IKZF3: variants seen among roughly 807,000 people sequenced by gnomAD.
The protein encoded by IKZF3 is zinc finger protein Aiolos.
A neutral mutation model predicts 49.0 loss-of-function variants in IKZF3; 10 were observed. The observed-to-expected ratio is 0.20, with a 90% CI of 0.13 to 0.35. The LOEUF (loss-of-function observed/expected upper bound fraction) is 0.35. IKZF3 is among the 10% of genes least tolerant of loss of function. The pLI is 1.00. For missense variants in IKZF3, 498 were observed against 664.8 expected, an observed-to-expected ratio of 0.75 and a Z score of 2.76; for synonymous variants, 209 against 228.2, an observed-to-expected ratio of 0.92 and a Z score of 0.76.
intron 6 of IKZF3, 117 bp from the exon 7 acceptor site, chr17:39,777,884 C>G (rs1227979473): frequency 6.9e-7 from 1 of 1,453,392 alleles, no homozygotes. Flanking sequence ...ATTGTTGTTA[C>G]CTGTTATAAC....
Position 39,759,682 on chromosome 17 carries a change from G to C in IKZF3, c.*6108C>G, listed in dbSNP as rs1200988025. 1 of 152,240 alleles carries C rather than the reference G, an allele frequency of 6.6e-6. No homozygotes were observed. The highest frequency in any genetic ancestry group is 1.5e-5 in the Non-Finnish European group (1 of 68,094). The allele number at this position is 152,240 out of a possible 1,614,324, so 9.4% of individuals were successfully genotyped here. On this transcript the variant is annotated 3_prime_UTR_variant, in exon 8 of 8. Coordinates refer to ENST00000346872, the MANE Select transcript of IKZF3 (RefSeq NM_012481.5). ...AACCATTCAGTCGTGCTGCCTTGGA[G>C]AACAGAGTCCTTTTCCTGAGGTGGC...
At position 39,758,223 on chromosome 17, in the gene IKZF3, AC is replaced by A. The variant is rs1340083315; in HGVS notation, c.*7566del. 1 of 152,178 alleles carries A rather than the reference AC, an allele frequency of 6.6e-6. No individual in the cohort carries two copies. Among genetic ancestry groups the A allele is most frequent in the Non-Finnish European group, 1.5e-5 (1 of 68,020 alleles). 9.4% of individuals were successfully genotyped at this position (152,178 alleles called of 1,614,324 possible). A position where few individuals can be genotyped will look rare whatever the true frequency, so the allele number is the denominator to read the frequency against. On this transcript the variant is annotated 3_prime_UTR_variant, in exon 8 of 8. Coordinates refer to ENST00000346872, the MANE Select transcript of IKZF3 (RefSeq NM_012481.5). Reference sequence around the variant, plus strand: ...CTGCACCAAAGCTCATAGACTGAGAACCTGAGCATGCAAAACCACAGTCTGG... The same window carrying A: ...CTGCACCAAAGCTCATAGACTGAGAACTGAGCATGCAAAACCACAGTCTGG...
intron 3 of IKZF3, among the ~76,000 whole-genome samples, chr17:39,823,859 C>A (rs1162327686): frequency 6.6e-6 from 1 of 152,234 alleles, no homozygotes; most frequent in Non-Finnish European, 1.5e-5. Context: ...AAGTTCGCTA[C>A]AGGGGTGGAG....
At chr17:39,823,487 C>T (rs1466449688) in intron 3 of IKZF3, among the ~76,000 whole-genome samples, 2 of 152,096 alleles carry the variant, frequency 1.3e-5, no homozygotes, top group Non-Finnish European at 2.9e-5. Context: ...TAATGAGGTG[C>T]CTAATGTTAA....
At chr17:39,798,942 A>G (rs890086267) in intron 3 of IKZF3, among the ~76,000 whole-genome samples, 6 of 152,132 alleles carry the variant, frequency 3.9e-5, no homozygotes, top group Non-Finnish European at 5.9e-5. Context: ...AGTCTCCCCA[A>G]TAAATATGTA....
chr17:39,796,312 T>G (rs1598033312), intron 3 of IKZF3, among the ~76,000 whole-genome samples: 1 of 152,318 alleles, frequency 6.6e-6, no homozygotes, highest in Middle Eastern at 3.4e-3. Context: ...TTGCTTCTAA[T>G]TTATGACTTA....
At chr17:39,793,080 A>G in intron 3 of IKZF3, 147 bp from the exon 4 acceptor site, 1 of 780,034 alleles carries the variant, frequency 1.3e-6, no homozygotes, top group Non-Finnish European at 2.0e-6. Flanking sequence ...AAGCACCATT[A>G]GCGTGACCGC....
intron 1 of IKZF3, among the ~76,000 whole-genome samples, chr17:39,859,104 C>T (rs2063146494): frequency 6.6e-6 from 1 of 151,328 alleles, no homozygotes; most frequent in African/African-American, 2.4e-5. Context: ...CCACTGTGCC[C>T]AGCCCTTAAA....
intron 1 of IKZF3, among the ~76,000 whole-genome samples, chr17:39,856,334 G>A (rs113466546): frequency 0.058 from 8,780 of 151,936 alleles, 398 homozygotes; most frequent in African/African-American, 0.12. Context: ...TGTCACCCAG[G>A]TTGGAGTGCA....
chr17:39,843,424 A>G (rs1203390102), intron 1 of IKZF3, among the ~76,000 whole-genome samples: 2 of 151,496 alleles, frequency 1.3e-5, no homozygotes, highest in Non-Finnish European at 1.5e-5. Flanking sequence ...TGCTGAAAAG[A>G]TTCTTAACGG....
At chr17:39,787,257 G>A (rs2060895089) in intron 6 of IKZF3, among the ~76,000 whole-genome samples, 1 of 152,236 alleles carries the variant, frequency 6.6e-6, no homozygotes, top group African/African-American at 2.4e-5. Flanking sequence ...ACACAAAAAA[G>A]TTTCAGGCTG....
chr17:39,758,378 T>G lies in IKZF3; in HGVS notation c.*7412A>C, dbSNP rs934121758. Reference sequence around the variant, plus strand: ...TCTGCTAGCCTGGAGTATACATGAGTCACTGGCGGTGGGATCAGTCATTTT... The same window carrying G: ...TCTGCTAGCCTGGAGTATACATGAGGCACTGGCGGTGGGATCAGTCATTTT... On this transcript the variant is annotated 3_prime_UTR_variant, in exon 8 of 8. Transcript: ENST00000346872. 2 of 152,118 alleles carry G rather than the reference T, an allele frequency of 1.3e-5. No homozygotes were observed. 9.4% of individuals were successfully genotyped at this position (152,118 alleles called of 1,614,324 possible).
intron 6 of IKZF3, among the ~76,000 whole-genome samples, chr17:39,782,445 C>G (rs2060767575): frequency 6.6e-6 from 1 of 151,976 alleles, no homozygotes; most frequent in African/African-American, 2.4e-5. Context: ...CACACATACA[C>G]AAAGAAATGC....
chr17:39,804,389 A>G (rs2061389759), intron 3 of IKZF3, among the ~76,000 whole-genome samples: 1 of 151,760 alleles, frequency 6.6e-6, no homozygotes, highest in African/African-American at 2.4e-5. Context: ...CAGAGGTTGC[A>G]GTGAGCCAAG....
At chr17:39,842,598 C>T (rs529591882) in intron 1 of IKZF3, among the ~76,000 whole-genome samples, 121 of 152,170 alleles carry the variant, frequency 8.0e-4, no homozygotes, top group African/African-American at 2.8e-3. Flanking sequence ...TAGTATTAGA[C>T]TATAACTCAT....
chr17:39,785,645 T>A (rs1410388095), intron 6 of IKZF3, among the ~76,000 whole-genome samples: 1 of 152,130 alleles, frequency 6.6e-6, no homozygotes, highest in Non-Finnish European at 1.5e-5. Context: ...TTCTGATTTT[T>A]CCCCCTCCTT....
chr17:39,864,207 C>T lies in IKZF3; in HGVS notation c.-81G>A. On this transcript the variant is annotated 5_prime_UTR_variant, in exon 1 of 8. Coordinates refer to ENST00000346872, the MANE Select transcript of IKZF3 (RefSeq NM_012481.5). The stretch of plus-strand genomic sequence containing the variant: ...CTCCTGCCGTCGCCTGGACTCAGCG[C>T]GCAGCTGGCGGGAGATTCCCGGCGC... The T allele has an allele frequency of 6.6e-7, 1 of 1,518,556 alleles. No homozygotes were observed. The allele number at this position is 1,518,556 out of a possible 1,614,324, so 94.1% of individuals were successfully genotyped here.
rs772295330 is a variant in IKZF3, at chr17:39,766,145, T to C, written c.1175A>G (p.Asn392Ser). ...GATGTGATTCTGGCGTTCTTCATGG[T>C]TGCTGTCAGTGTCCGTGGAGTCGTG... Reference protein sequence around the residue: ...SGHDSTDTDSNHEERQNHIYQ... With the variant: ...SGHDSTDTDSSHEERQNHIYQ... The change falls in exon 8 of 8, where the codon AAC (asparagine) becomes AGC (serine). Residue 392 changes from asparagine to serine, a missense_variant. Physicochemically the swap from Asn to Ser is conservative, Grantham distance 46 (BLOSUM62 1). Transcript: ENST00000346872. 4 of 1,614,138 alleles carry C rather than the reference T, an allele frequency of 2.5e-6. No individual in the cohort carries two copies. Among genetic ancestry groups the C allele is most frequent in the Non-Finnish European group, 3.4e-6 (4 of 1,180,002 alleles).
intron 1 of IKZF3, among the ~76,000 whole-genome samples, chr17:39,839,123 G>A (rs2062390345): frequency 6.6e-6 from 1 of 151,746 alleles, no homozygotes; most frequent in Non-Finnish European, 1.5e-5. Flanking sequence ...GAGCCACCAT[G>A]CCCAGTCCTT....
Sources: allele counts gnomAD v4.1 joint callset (sites outside exome capture counted in the v4.1 genomes callset), GRCh38; gene constraint gnomAD v4.1.1; transcripts MANE v1.5; gene names NCBI Gene and HGNC (gene_info 2026-07-23, HGNC 2026-07-21).